The following SLC14A2 variants were observed in gnomAD, a reference collection of about 807,000 sequenced individuals.
The protein encoded by SLC14A2 is solute carrier family 14 member 2.
Under a neutral mutation model 104.6 loss-of-function variants are expected in SLC14A2, and 91 were observed. The ratio of observed to expected loss-of-function variants is 0.87; its 90% CI spans 0.73 to 1.04. The LOEUF is 1.04. SLC14A2 is among the 50% of genes least tolerant of loss of function. SLC14A2 has a pLI of 0.00. For missense variants in SLC14A2, 1,189 were observed against 1,156.0 expected (o/e 1.03, Z -0.41); for synonymous variants, 476 against 466.4 (o/e 1.02, Z -0.27).
At chr18:45,667,481 A>G (rs1259561890) in intron 13 of SLC14A2, among the ~76,000 whole-genome samples, 1 of 152,132 alleles carries the variant, frequency 6.6e-6, no homozygotes, top group African/African-American at 2.4e-5. Context: ...CTCTTTAGCA[A>G]TCTTTCCAGA....
intron 2 of SLC14A2, among the ~76,000 whole-genome samples, chr18:45,580,916 G>A (rs986408841): frequency 7.9e-5 from 12 of 152,132 alleles, no homozygotes; most frequent in African/African-American, 2.7e-4. Flanking sequence ...ACAGATTGAA[G>A]GCAGAAGAGG....
intron 2 of SLC14A2, among the ~76,000 whole-genome samples, chr18:45,569,248 C>T (rs1401024177): frequency 6.6e-6 from 1 of 152,202 alleles, no homozygotes; most frequent in African/African-American, 2.4e-5. Flanking sequence ...AAATCTGTTG[C>T]CCTTCTCCCG....
intron 1 of SLC14A2, among the ~76,000 whole-genome samples, chr18:45,274,288 C>A (rs1599634464): frequency 6.6e-6 from 1 of 152,158 alleles, no homozygotes; most frequent in East Asian, 1.9e-4. Context: ...GGCTAAACAT[C>A]TGGCTGAATG....
intron 2 of SLC14A2, among the ~76,000 whole-genome samples, chr18:45,523,642 A>G (rs1027684259): frequency 5.9e-5 from 9 of 151,358 alleles, no homozygotes; most frequent in African/African-American, 2.2e-4. Context: ...GCCACTAGTT[A>G]TCATTCTTTA....
chr18:45,430,685 C>G (rs1454616538), intron 1 of SLC14A2, among the ~76,000 whole-genome samples: 1 of 152,248 alleles, frequency 6.6e-6, no homozygotes. Context: ...ACACCATTCT[C>G]CTGCCTCAAC....
chr18:45,284,093 T>G (rs2084789952), intron 1 of SLC14A2, among the ~76,000 whole-genome samples: 1 of 152,258 alleles, frequency 6.6e-6, no homozygotes, highest in South Asian at 2.1e-4. Context: ...AATGTGACTG[T>G]AAAAAATTTA....
chr18:45,490,570 C>G (rs2042979424), intron 2 of SLC14A2, among the ~76,000 whole-genome samples: 2 of 151,894 alleles, frequency 1.3e-5, no homozygotes, highest in Non-Finnish European at 2.9e-5. Context: ...TTTAAGAACA[C>G]AAAAGTAATG....
At chr18:45,631,127 G>A (rs2045338767) in intron 4 of SLC14A2, among the ~76,000 whole-genome samples, 1 of 152,198 alleles carries the variant, frequency 6.6e-6, no homozygotes, top group Admixed American at 6.5e-5. Context: ...TGCAAGAACA[G>A]CCAACACATG....
intron 1 of SLC14A2, among the ~76,000 whole-genome samples, chr18:45,391,867 T>G (rs2085971702): frequency 6.6e-6 from 1 of 152,212 alleles, no homozygotes; most frequent in Admixed American, 6.5e-5. Context: ...TTTCTCCCAT[T>G]TTGTGGGTTG....
intron 10 of SLC14A2, among the ~76,000 whole-genome samples, chr18:45,658,214 C>T (rs1210301747): frequency 6.6e-6 from 1 of 152,050 alleles, no homozygotes; most frequent in African/African-American, 2.4e-5. Flanking sequence ...CTCTCATGCT[C>T]CTTATGTTGG....
intron 2 of SLC14A2, among the ~76,000 whole-genome samples, chr18:45,545,124 T>G (rs2043950593): frequency 1.3e-5 from 2 of 152,362 alleles, no homozygotes; most frequent in South Asian, 4.1e-4. Flanking sequence ...TACGTGATAA[T>G]TTGTTATATT....
intron 1 of SLC14A2, among the ~76,000 whole-genome samples, chr18:45,355,823 T>A (rs2085548316): frequency 2.6e-5 from 4 of 152,092 alleles, no homozygotes; most frequent in Non-Finnish European, 5.9e-5. Context: ...CATATTTGAT[T>A]TCTGAGCGGA....
intron 2 of SLC14A2, among the ~76,000 whole-genome samples, chr18:45,494,560 G>GA (rs869270083): frequency 6.7e-6 from 1 of 150,362 alleles, no homozygotes; most frequent in African/African-American, 2.4e-5. Context: ...ACCATGCCCA[G>GA]AAAAAAAATT....
upstream of SLC14A2, chr18:45,615,255 T>C (rs899660116): frequency 6.6e-6 from 1 of 152,232 alleles, no homozygotes; most frequent in African/African-American, 2.4e-5. Context: ...AAGAACATAA[T>C]ATCTGGGAGG....
chr18:45,398,285 A>C (rs1338480261), intron 1 of SLC14A2, among the ~76,000 whole-genome samples: 3 of 152,272 alleles, frequency 2.0e-5, no homozygotes, highest in African/African-American at 4.8e-5. Flanking sequence ...GCTGAGATCA[A>C]GGATAGTTGT....
At chr18:45,325,078 A>G (rs1422427155) in intron 1 of SLC14A2, among the ~76,000 whole-genome samples, 2 of 152,178 alleles carry the variant, frequency 1.3e-5, no homozygotes, top group African/African-American at 4.8e-5. Flanking sequence ...TCTCTTCATC[A>G]TTCAAGCTTG....
In SLC14A2 at chr18:45,632,295, G is replaced by C. The variant is rs1382933259; in HGVS notation, c.522-55G>C. The C allele has an allele frequency of 1.0e-5, 16 of 1,584,120 alleles. No individual in the cohort carries two copies. In the Admixed American group the frequency reaches 1.3e-4, roughly 12 times the overall value. On this transcript the variant is annotated intron_variant, in intron 4 of 19. Coordinates refer to ENST00000255226, the MANE Select transcript of SLC14A2 (RefSeq NM_007163.4). The stretch of plus-strand genomic sequence containing the variant: ...CATATCCTCAGAGCACCAGGAGGGA[G>C]GGGCCCAGTAACACCACCAACTTCA...
intron 2 of SLC14A2, among the ~76,000 whole-genome samples, chr18:45,582,357 T>G (rs1461255548): frequency 6.6e-6 from 1 of 152,144 alleles, no homozygotes; most frequent in East Asian, 1.9e-4. Context: ...GCTTCTAGGT[T>G]AGAAATTTTG....
At chr18:45,643,925 G>A in intron 9 of SLC14A2, 61 bp from the exon 10 acceptor site, 1 of 1,470,378 alleles carries the variant, frequency 6.8e-7, no homozygotes, top group Non-Finnish European at 9.4e-7. Flanking sequence ...CTCCCCCAGA[G>A]TCCCCAGCCC....
Sources: allele counts gnomAD v4.1 joint callset (sites outside exome capture counted in the v4.1 genomes callset), GRCh38; gene constraint gnomAD v4.1.1; transcripts MANE v1.5; gene names NCBI Gene and HGNC (gene_info 2026-07-23, HGNC 2026-07-21).